HECW1: variants seen among roughly 807,000 people sequenced by gnomAD.
The protein encoded by HECW1 is HECT, C2 and WW domain containing E3 ubiquitin protein ligase 1.
A neutral mutation model predicts 182.3 loss-of-function variants in HECW1; 61 were observed. The ratio of observed to expected loss-of-function variants is 0.33; its 90% CI spans 0.27 to 0.41. The LOEUF (loss-of-function observed/expected upper bound fraction) is 0.41. Among genes scored for constraint, HECW1 ranks in the 10% least tolerant of loss-of-function variants. The pLI is 1.00. For synonymous variants in HECW1, 859 were observed against 832.6 expected, an observed-to-expected ratio of 1.03 and a Z score of -0.55; for missense variants, 1,739 against 2,108.9, an observed-to-expected ratio of 0.82 and a Z score of 3.44.
intron 2 of HECW1, among the ~76,000 whole-genome samples, chr7:43,169,109 A>C (rs1375553166): frequency 1.3e-5 from 2 of 152,156 alleles, no homozygotes; most frequent in African/African-American, 4.8e-5. Flanking sequence ...GCTCTCCCTC[A>C]ATTTACATTA....
intron 5 of HECW1, among the ~76,000 whole-genome samples, chr7:43,329,860 G>A (rs1811243820): frequency 6.6e-6 from 1 of 152,200 alleles, no homozygotes; most frequent in South Asian, 2.1e-4. Context: ...AAAATTGCAA[G>A]GCAGTCGTTT....
rs369749837 is a variant in HECW1, at chr7:43,489,119, G to A, written c.3235-2956G>A. ...ACAGTTAGACACTTTCACTCAGGGC[G>A]AAACAACAAATGTTTCCTGAGTCCA... On this transcript the variant is annotated intron_variant, in intron 17 of 29. Coordinates refer to ENST00000395891, the MANE Select transcript of HECW1 (RefSeq NM_015052.5). 1.9e-4 allele frequency among the ~76,000 whole-genome samples: 29 copies of A among 152,258 alleles called. No homozygotes were observed. The East Asian group carries it at 4.8e-3, about 25-fold the overall frequency.
rs187247766 is a variant in HECW1 at position 43,361,121 on chromosome 7, G to A, written c.555+141G>A. ...ACATACACACATATGGAGATATACT[G>A]ATAGATTGATTATGAATAAATGGAA... is the stretch of plus-strand genomic sequence containing the variant. On this transcript the variant is annotated intron_variant, in intron 6 of 29. Transcript: ENST00000395891. 147 of 550,408 alleles carry A rather than the reference G, an allele frequency of 2.7e-4. No individual in the cohort carries two copies. The Middle Eastern group carries it at 4.2e-3, about 16-fold the overall frequency. The allele number at this position is 550,408 out of a possible 1,614,324, so 34.1% of individuals were successfully genotyped here.
intron 3 of HECW1, among the ~76,000 whole-genome samples, chr7:43,258,299 T>G (rs1211868692): frequency 6.6e-6 from 1 of 151,836 alleles, no homozygotes; most frequent in East Asian, 1.9e-4. Context: ...GCCGAGATTG[T>G]ACCACTGCAC....
intron 5 of HECW1, among the ~76,000 whole-genome samples, chr7:43,328,088 C>T (rs895720545): frequency 3.3e-5 from 5 of 151,314 alleles, no homozygotes; most frequent in East Asian, 3.9e-4. Context: ...GAGGAAGTGG[C>T]GGAAGGATCA....
chr7:43,256,076 C>T (rs1430585908), intron 3 of HECW1, among the ~76,000 whole-genome samples: 2 of 152,316 alleles, frequency 1.3e-5, no homozygotes, highest in East Asian at 3.9e-4. Flanking sequence ...CACCATCTCA[C>T]ACACCATCTT....
chr7:43,357,325 A>C (rs1815280800), intron 5 of HECW1, among the ~76,000 whole-genome samples: 1 of 152,224 alleles, frequency 6.6e-6, no homozygotes, highest in South Asian at 2.1e-4. Flanking sequence ...AATCAATCTA[A>C]GTACCCATTA....
rs184825533 is a variant in HECW1 at position 43,162,741 on chromosome 7, G to A, written c.-32+48350G>A. Among the ~76,000 whole-genome samples, 20 of 152,264 alleles carry A rather than the reference G, an allele frequency of 1.3e-4. No homozygotes were observed. The East Asian group carries it at 2.9e-3, about 22-fold the overall frequency. Reference sequence around the variant, plus strand: ...TCCTGGGAATGCCTTTTAATACAGAGGTAGTGGTCCCTATAAACAAAGCTC... The same window carrying A: ...TCCTGGGAATGCCTTTTAATACAGAAGTAGTGGTCCCTATAAACAAAGCTC... On this transcript the variant is annotated intron_variant, in intron 2 of 29. Coordinates refer to ENST00000395891, the MANE Select transcript of HECW1 (RefSeq NM_015052.5).
intron 3 of HECW1, among the ~76,000 whole-genome samples, chr7:43,304,725 C>T (rs1807327284): frequency 6.6e-6 from 1 of 152,154 alleles, no homozygotes; most frequent in Non-Finnish European, 1.5e-5. Flanking sequence ...AACTCCTGGC[C>T]TCAGGTGATA....
Position 43,312,074 on chromosome 7 carries a change from C to G in HECW1, c.339C>G (p.Gly113=). Reference sequence around the variant, plus strand: ...AAGTGGACGCTGGGGACTGGATTGGCATGTACCTCATTGGTGAGTAGAATG... The same window carrying G: ...AAGTGGACGCTGGGGACTGGATTGGGATGTACCTCATTGGTGAGTAGAATG... ...KEEVDAGDWI[G]MYLIDEVLSE... Residue 113 remains glycine, a synonymous_variant, in exon 4 of 30, where the codon GGC becomes GGG. Coordinates refer to ENST00000395891, the MANE Select transcript of HECW1 (RefSeq NM_015052.5). 1 of 1,613,440 alleles carries G rather than the reference C, an allele frequency of 6.2e-7. No homozygotes were observed. Among genetic ancestry groups the G allele is most frequent in the Non-Finnish European group, 8.5e-7 (1 of 1,179,404 alleles).
At chr7:43,544,566 T>C (rs1237127233) in intron 26 of HECW1, among the ~76,000 whole-genome samples, 1 of 146,408 alleles carries the variant, frequency 6.8e-6, no homozygotes, top group Admixed American at 6.9e-5. Flanking sequence ...TCGGTTCATA[T>C]TTTAAATCAC....
chr7:43,217,638 T>C (rs1562689100), intron 2 of HECW1, among the ~76,000 whole-genome samples: 5 of 152,146 alleles, frequency 3.3e-5, no homozygotes, highest in Non-Finnish European at 1.5e-5. Flanking sequence ...ATCAGTGTAA[T>C]AAGATTATAC....
rs575439832 is a variant in HECW1 at position 43,383,116 on chromosome 7, A to AT, written c.556-13691dup. ...TACCTGCAAAGGACATGAACTCATT[A>AT]TTTTTTTATGGCAGCATAGTATTCC... On this transcript the variant is annotated intron_variant, in intron 6 of 29. Transcript: ENST00000395891. Among the ~76,000 whole-genome samples, 20 of 152,110 alleles carry AT rather than the reference A, an allele frequency of 1.3e-4. No homozygotes were observed. In the East Asian group the frequency reaches 3.7e-3, roughly 28 times the overall value.
At chr7:43,396,291 A>C (rs893390427) in intron 6 of HECW1, among the ~76,000 whole-genome samples, 6 of 152,232 alleles carry the variant, frequency 3.9e-5, no homozygotes, top group Non-Finnish European at 7.3e-5. Flanking sequence ...CGAGGAAGGC[A>C]ATTGATTAAT....
At chr7:43,253,554 A>G (rs1402644035) in intron 3 of HECW1, among the ~76,000 whole-genome samples, 22 of 152,154 alleles carry the variant, frequency 1.4e-4, no homozygotes, top group Admixed American at 1.4e-3. Flanking sequence ...GCTTGATTCC[A>G]CCTTTTAATA....
chr7:43,526,890 G>A (rs1212672370), intron 24 of HECW1, among the ~76,000 whole-genome samples: 1 of 152,132 alleles, frequency 6.6e-6, no homozygotes, highest in African/African-American at 2.4e-5. Flanking sequence ...CTGCTACTCG[G>A]GAGACTAAGG....
At chr7:43,216,496 A>C (rs1408504476) in intron 2 of HECW1, among the ~76,000 whole-genome samples, 2 of 152,080 alleles carry the variant, frequency 1.3e-5, no homozygotes, top group Admixed American at 6.6e-5. Flanking sequence ...AAGGCAGTCC[A>C]TCCACCTTAG....
chr7:43,191,424 A>G (rs371244959), intron 2 of HECW1, among the ~76,000 whole-genome samples: 24 of 152,376 alleles, frequency 1.6e-4, no homozygotes, highest in African/African-American at 5.3e-4. Flanking sequence ...ATGCAGAGCC[A>G]GAATGGGGAC....
At chr7:43,338,305 C>T (rs1812547289) in intron 5 of HECW1, among the ~76,000 whole-genome samples, 1 of 152,114 alleles carries the variant, frequency 6.6e-6, no homozygotes. Flanking sequence ...CTGTGTGATG[C>T]CCTGTTTTCA....
Sources: gnomAD v4.1 joint callset for allele counts (sites outside exome capture counted in the v4.1 genomes callset) on GRCh38, gnomAD v4.1.1 for gene constraint, MANE v1.5 for transcripts, NCBI Gene and HGNC (gene_info 2026-07-23, HGNC 2026-07-21) for gene names.